The following ENOX1 variants were observed in gnomAD, a reference collection of about 807,000 sequenced individuals.
ENOX1 encodes the protein candidate growth-related and time keeping constitutive hydroquinone (NADH) oxidase.
Under a neutral mutation model 82.5 loss-of-function variants are expected in ENOX1, and 42 were observed. That is an observed-to-expected ratio of 0.51 (90% CI 0.40 to 0.66). ENOX1 has a LOEUF of 0.66. Ranked by LOEUF, ENOX1 falls within the 30% of genes least tolerant of loss-of-function variation. ENOX1 has a pLI of 0.00. For synonymous variants in ENOX1, 271 were observed against 282.2 expected (o/e 0.96, Z 0.40); for missense variants, 608 against 811.6 (o/e 0.75, Z 3.05).
chr13:43,317,983 T>C (rs147296497), intron 11 of ENOX1, among the ~76,000 whole-genome samples: 11 of 151,502 alleles, frequency 7.3e-5, no homozygotes, highest in African/African-American at 2.2e-4. Context: ...CCAGCCTGGG[T>C]GACAGAGCAA....
At chr13:43,667,416 T>C in intron 2 of ENOX1, 63 bp downstream of exon 2, 2 of 970,954 alleles carry the variant, frequency 2.1e-6, no homozygotes, top group South Asian at 9.5e-5. Context: ...TTAAACTACA[T>C]CCCTTCCCAT....
At chr13:43,715,465 G>A (rs955252731) in intron 1 of ENOX1, among the ~76,000 whole-genome samples, 4 of 152,040 alleles carry the variant, frequency 2.6e-5, no homozygotes, top group Non-Finnish European at 5.9e-5. Context: ...GCTCTTCTTG[G>A]AGTATCTTTG....
chr13:43,384,614 T>A (rs1330551781), intron 5 of ENOX1, among the ~76,000 whole-genome samples: 1 of 152,216 alleles, frequency 6.6e-6, no homozygotes. Context: ...TAGCCAGGTT[T>A]TTCCGCTATG....
chr13:43,758,685 T>C (rs1013771691), intron 1 of ENOX1, among the ~76,000 whole-genome samples: 2 of 152,216 alleles, frequency 1.3e-5, no homozygotes, highest in African/African-American at 2.4e-5. Flanking sequence ...ATAAGTTTAA[T>C]TTAAACTAAT....
At chr13:43,395,547 A>G (rs1474508725) in intron 5 of ENOX1, among the ~76,000 whole-genome samples, 1 of 152,188 alleles carries the variant, frequency 6.6e-6, no homozygotes, top group East Asian at 1.9e-4. Flanking sequence ...AACCAGCGTG[A>G]GATATTATTA....
chr13:43,507,920 A>C (rs10047763), intron 2 of ENOX1, among the ~76,000 whole-genome samples: 31,312 of 152,032 alleles, frequency 0.21, 3,708 homozygotes, highest in Middle Eastern at 0.28. Context: ...CTACATATTC[A>C]TACCTATATA....
At chr13:43,225,977 T>C (rs1325383160) in intron 15 of ENOX1, among the ~76,000 whole-genome samples, 1 of 152,196 alleles carries the variant, frequency 6.6e-6, no homozygotes, top group African/African-American at 2.4e-5. Flanking sequence ...ATAATGGCAA[T>C]GGTAGAAGGC....
intron 5 of ENOX1, among the ~76,000 whole-genome samples, chr13:43,386,217 A>T (rs1406854706): frequency 6.6e-6 from 1 of 152,168 alleles, no homozygotes; most frequent in Non-Finnish European, 1.5e-5. Flanking sequence ...AGGTTCTTTA[A>T]ACAACAACAA....
intron 1 of ENOX1, among the ~76,000 whole-genome samples, chr13:43,721,812 T>G (rs2088603625): frequency 6.6e-6 from 1 of 152,190 alleles, no homozygotes; most frequent in South Asian, 2.1e-4. Flanking sequence ...GCACAGGGAC[T>G]CTGCTTCATG....
At chr13:43,233,390 T>C (rs144183074) in intron 15 of ENOX1, among the ~76,000 whole-genome samples, 247 of 152,308 alleles carry the variant, frequency 1.6e-3, no homozygotes, top group Non-Finnish European at 2.9e-3. Context: ...AGGATCCAGA[T>C]CTGCAAAATT....
intron 14 of ENOX1, among the ~76,000 whole-genome samples, chr13:43,247,413 G>A (rs1455723303): frequency 6.6e-6 from 1 of 151,996 alleles, no homozygotes; most frequent in Non-Finnish European, 1.5e-5. Context: ...GGAAGATGAG[G>A]GTGATGAGCT....
chr13:43,637,399 T>C (rs2083453975), intron 2 of ENOX1, among the ~76,000 whole-genome samples: 1 of 152,140 alleles, frequency 6.6e-6, no homozygotes, highest in Non-Finnish European at 1.5e-5. Context: ...AGCCATGACT[T>C]AAGGAGAGCA....
chr13:43,303,842 G>C (rs954389164), intron 11 of ENOX1, among the ~76,000 whole-genome samples: 2 of 152,180 alleles, frequency 1.3e-5, no homozygotes. Context: ...GGAAGCCCAA[G>C]AATTAGCATT....
chr13:43,380,568 T>C (rs530871966), intron 5 of ENOX1, among the ~76,000 whole-genome samples: 237 of 151,748 alleles, frequency 1.6e-3, no homozygotes, highest in Non-Finnish European at 2.8e-3. Flanking sequence ...CTGATAATCA[T>C]ATTAAATATA....
intron 10 of ENOX1, among the ~76,000 whole-genome samples, chr13:43,326,054 C>T (rs573181713): frequency 6.6e-6 from 1 of 152,020 alleles, no homozygotes; most frequent in South Asian, 2.1e-4. Flanking sequence ...CTGTCATCAT[C>T]ACGTAGAACA....
intron 14 of ENOX1, among the ~76,000 whole-genome samples, chr13:43,237,366 A>G (rs2042600010): frequency 6.6e-6 from 1 of 152,232 alleles, no homozygotes; most frequent in South Asian, 2.1e-4. Flanking sequence ...TTTTACATTT[A>G]AAAACAGAGA....
Position 43,214,074 on chromosome 13 carries a change from C to T in ENOX1, c.1848G>A (p.Met616Ile). Reference sequence around the variant, plus strand: ...CCACACCCGTGAATTCCTGTTTGAACATGCGTGGCAGCCTCATCAAAAGCA... The same window carrying T: ...CCACACCCGTGAATTCCTGTTTGAATATGCGTGGCAGCCTCATCAAAAGCA... ...IEMLLMRLPR[M>I]FKQEFTGVGA... The change falls in exon 17 of 17, where the codon ATG (methionine) becomes ATA (isoleucine). Residue 616 changes from methionine (M) to isoleucine (I), a missense_variant. Met to Ile is a conservative substitution (Grantham distance 10). Transcript: ENST00000690772. 1.2e-6 allele frequency: 2 copies of T among 1,613,832 alleles called. No homozygotes were observed. Among genetic ancestry groups the T allele is most frequent in the Non-Finnish European group, 1.7e-6 (2 of 1,179,844 alleles).
chr13:43,231,501 G>T (rs933566062), intron 15 of ENOX1, among the ~76,000 whole-genome samples: 6 of 152,160 alleles, frequency 3.9e-5, no homozygotes, highest in Non-Finnish European at 8.8e-5. Context: ...TGTATGGTTG[G>T]TTAGTTAGTT....
chr13:43,431,462 C>T (rs746789757), intron 3 of ENOX1, among the ~76,000 whole-genome samples: 8 of 152,200 alleles, frequency 5.3e-5, no homozygotes, highest in Non-Finnish European at 2.9e-5. Flanking sequence ...TGTCCTTCTA[C>T]TAGCCTTATT....
Sources: allele counts gnomAD v4.1 joint callset (sites outside exome capture counted in the v4.1 genomes callset), GRCh38; gene constraint gnomAD v4.1.1; transcripts MANE v1.5; gene names NCBI Gene and HGNC (gene_info 2026-07-23, HGNC 2026-07-21).